Variants in STK32B observed in about 807,000 individuals in gnomAD.
STK32B encodes serine/threonine-protein kinase 32B.
STK32B carries 43 observed loss-of-function variants against 52.6 expected under a neutral mutation model. The observed-to-expected ratio is 0.82, with a 90% CI of 0.64 to 1.05. The LOEUF (loss-of-function observed/expected upper bound fraction) is 1.05. Among genes scored for constraint, STK32B ranks in the 50% least tolerant of loss-of-function variants. The probability of loss-of-function intolerance (pLI) is 0.00; values close to 1 mark genes in which losing one functional copy is unlikely to be tolerated. For missense variants in STK32B, 621 were observed against 534.6 expected (o/e 1.16, Z -1.59); for synonymous variants, 238 against 204.3 (o/e 1.17, Z -1.41).
At chr4:5,328,481 T>C (rs1465733873) in intron 3 of STK32B, among the ~76,000 whole-genome samples, 2 of 152,242 alleles carry the variant, frequency 1.3e-5, no homozygotes, top group Non-Finnish European at 2.9e-5. Flanking sequence ...CCTCAGGGAA[T>C]AGAAAGGCCC....
chr4:5,476,551 C>T (rs1273253809), intron 11 of STK32B, among the ~76,000 whole-genome samples: 1 of 151,960 alleles, frequency 6.6e-6, no homozygotes, highest in African/African-American at 2.4e-5. Flanking sequence ...CTATCACACA[C>T]CCTGGCTTCT....
intron 6 of STK32B, among the ~76,000 whole-genome samples, chr4:5,427,208 A>G (rs1713181138): frequency 6.6e-6 from 1 of 152,220 alleles, no homozygotes; most frequent in South Asian, 2.1e-4. Flanking sequence ...TGACTTTGAA[A>G]TGTTGAACCA....
chr4:5,118,460 G>T (rs528849982), intron 1 of STK32B, among the ~76,000 whole-genome samples: 1 of 152,290 alleles, frequency 6.6e-6, no homozygotes, highest in South Asian at 2.1e-4. Flanking sequence ...TCCCGCCCCA[G>T]GCCTTTGCCC....
chr4:5,326,578 A>T (rs1222239020), intron 3 of STK32B, among the ~76,000 whole-genome samples: 2 of 152,132 alleles, frequency 1.3e-5, no homozygotes, highest in Non-Finnish European at 2.9e-5. Context: ...TTTAAAAGTT[A>T]TGTTTATACT....
intron 6 of STK32B, among the ~76,000 whole-genome samples, chr4:5,431,293 A>C (rs908970949): frequency 1.7e-4 from 26 of 152,240 alleles, no homozygotes; most frequent in African/African-American, 6.0e-4. Flanking sequence ...TTTTATAGCA[A>C]GTTCAATGGA....
chr4:5,446,623 GC>G, intron 6 of STK32B, 49 bp from the exon 7 acceptor site: 1 of 1,519,042 alleles, frequency 6.6e-7, no homozygotes, highest in Non-Finnish European at 9.1e-7. Context: ...AGGGGTGGTG[GC>G]CATAAACTGG....
chr4:5,364,309 C>G (rs957376300), intron 4 of STK32B, among the ~76,000 whole-genome samples: 1 of 152,158 alleles, frequency 6.6e-6, no homozygotes, highest in African/African-American at 2.4e-5. Flanking sequence ...TAAAGTTCAG[C>G]ATATCTGTTA....
intron 3 of STK32B, among the ~76,000 whole-genome samples, chr4:5,205,872 C>T (rs557135446): frequency 7.0e-4 from 107 of 152,266 alleles, no homozygotes; most frequent in African/African-American, 2.3e-3. Flanking sequence ...CCTTGCATCT[C>T]AGGTTACTGG....
intron 3 of STK32B, among the ~76,000 whole-genome samples, chr4:5,252,436 G>A (rs958003341): frequency 3.9e-5 from 6 of 152,168 alleles, no homozygotes; most frequent in African/African-American, 1.2e-4. Context: ...TGGACCATCA[G>A]TGGCACCCAT....
intron 1 of STK32B, among the ~76,000 whole-genome samples, chr4:5,132,555 T>C (rs891566731): frequency 3.3e-5 from 5 of 152,260 alleles, no homozygotes; most frequent in East Asian, 3.9e-4. Flanking sequence ...CGCAGTAATA[T>C]GGGATCACAA....
At chr4:5,362,352 C>G (rs931661977) in intron 4 of STK32B, among the ~76,000 whole-genome samples, 7 of 152,276 alleles carry the variant, frequency 4.6e-5, no homozygotes, top group African/African-American at 1.7e-4. Flanking sequence ...TCTCCCATTC[C>G]AACATCCACT....
intron 3 of STK32B, among the ~76,000 whole-genome samples, chr4:5,189,319 G>A (rs772957710): frequency 5.9e-5 from 9 of 152,130 alleles, no homozygotes; most frequent in Non-Finnish European, 8.8e-5. Flanking sequence ...TTCATCCCTC[G>A]TTCCCCTCCA....
chr4:5,052,703 C>G (rs762649632), intron 1 of STK32B, among the ~76,000 whole-genome samples: 1 of 152,178 alleles, frequency 6.6e-6, no homozygotes, highest in African/African-American at 2.4e-5. Flanking sequence ...AGCTTAACCA[C>G]TAGTAATCCA....
chr4:5,249,938 A>G (rs1389249617), intron 3 of STK32B, among the ~76,000 whole-genome samples: 2 of 152,078 alleles, frequency 1.3e-5, no homozygotes, highest in South Asian at 4.1e-4. Context: ...CGCTGGTTTC[A>G]ATTGTTCCCT....
chr4:5,245,214 A>G (rs1725351420), intron 3 of STK32B, among the ~76,000 whole-genome samples: 1 of 152,158 alleles, frequency 6.6e-6, no homozygotes, highest in Non-Finnish European at 1.5e-5. Context: ...TTGGAGTCCA[A>G]GAATCTTTGT....
chr4:5,299,083 G>A (rs753223214), intron 3 of STK32B, among the ~76,000 whole-genome samples: 4 of 151,886 alleles, frequency 2.6e-5, no homozygotes, highest in Non-Finnish European at 5.9e-5. Context: ...TCCTGGGTGA[G>A]GCAACATCCC....
chr4:5,398,368 T>C lies in STK32B; in HGVS notation c.472+124T>C. The C allele has an allele frequency of 1.0e-6, 1 of 979,032 alleles. No homozygotes were observed. The highest frequency in any genetic ancestry group is 1.6e-6 in the Non-Finnish European group (1 of 644,270). The allele number at this position is 979,032 out of a possible 1,614,324, so 60.6% of individuals were successfully genotyped here. A position where few individuals can be genotyped will look rare whatever the true frequency, so the allele number is the denominator to read the frequency against. ...ATTAGCATTGGCTAGAAACCTTCTC[T>C]TGTTTCAATCCTGGTGGATCAACAT... On this transcript the variant is annotated intron_variant, in intron 5 of 11. Transcript: ENST00000282908. This position sits in a 1 kb window ranked among gnomAD's most constrained non-coding sequence, Gnocchi z 4.9.
In STK32B at chr4:5,331,290, C is replaced by T. The variant is rs753364878; in HGVS notation, c.331C>T (p.His111Tyr). Reference sequence around the variant, plus strand: ...GCTCCTGGGAGGCGACCTGCGCTACCATCTGCAGCAGAATGTGCATTTCAC... The same window carrying T: ...GCTCCTGGGAGGCGACCTGCGCTACTATCTGCAGCAGAATGTGCATTTCAC... ...DLLLGGDLRY[H>Y]LQQNVHFTEG... The change falls in exon 4 of 12, where the codon CAT becomes TAT. Residue 111 changes from histidine (H) to tyrosine (Y), a missense_variant. By Grantham distance (83) the His-to-Tyr change is moderately conservative. Coordinates refer to ENST00000282908, the MANE Select transcript of STK32B (RefSeq NM_018401.3). The T allele has an allele frequency of 6.2e-7, 1 of 1,613,982 alleles. No individual in the cohort carries two copies. Among genetic ancestry groups the T allele is most frequent in the Non-Finnish European group, 8.5e-7 (1 of 1,179,926 alleles).
At chr4:5,187,802 C>T (rs1720864631) in intron 3 of STK32B, among the ~76,000 whole-genome samples, 2 of 152,204 alleles carry the variant, frequency 1.3e-5, no homozygotes, top group African/African-American at 2.4e-5. Flanking sequence ...TCAGATCTAA[C>T]ACCAAAGCCT....
Sources: gnomAD v4.1 joint callset for allele counts (sites outside exome capture counted in the v4.1 genomes callset) on GRCh38, gnomAD v4.1.1 for gene constraint, Gnocchi (gnomAD v3.1) non-coding constraint, MANE v1.5 for transcripts, NCBI Gene and HGNC (gene_info 2026-07-23, HGNC 2026-07-21) for gene names.